The following PGM5 variants were observed in gnomAD, a reference collection of about 807,000 sequenced individuals.
The protein encoded by PGM5 is phosphoglucomutase 5, also known as phosphoglucomutase-like protein 5.
In PGM5, 23 loss-of-function variants were observed where a neutral mutation model predicts 59.2. The ratio of observed to expected loss-of-function variants is 0.39; its 90% CI spans 0.28 to 0.55. The LOEUF (loss-of-function observed/expected upper bound fraction) is 0.55. Among genes scored for constraint, PGM5 ranks in the 20% least tolerant of loss-of-function variants. The probability of loss-of-function intolerance (pLI) is 0.66; values close to 1 mark genes in which losing one functional copy is unlikely to be tolerated. For synonymous variants in PGM5, 214 were observed against 286.0 expected, an observed-to-expected ratio of 0.75 and a Z score of 2.54; for missense variants, 574 against 748.3, an observed-to-expected ratio of 0.77 and a Z score of 2.72.
chr9:68,496,493 T>A (rs1292415186), intron 9 of PGM5, among the ~76,000 whole-genome samples: 1 of 152,166 alleles, frequency 6.6e-6, no homozygotes, highest in Non-Finnish European at 1.5e-5. Context: ...TCAGTTAAGA[T>A]CTCATGGTTA....
intron 6 of PGM5, among the ~76,000 whole-genome samples, chr9:68,406,716 A>ATG (rs1822825655): frequency 2.1e-5 from 2 of 93,364 alleles, no homozygotes; most frequent in Non-Finnish European, 4.2e-5. Context: ...ATATATATAT[A>ATG]TATATATATG....
intron 1 of PGM5, among the ~76,000 whole-genome samples, chr9:68,372,255 A>G (rs1821754863): frequency 7.2e-6 from 1 of 138,120 alleles, no homozygotes; most frequent in Non-Finnish European, 1.6e-5. Context: ...CACACTCTGT[A>G]GATGCTCTAG....
intron 7 of PGM5, among the ~76,000 whole-genome samples, chr9:68,469,314 C>T (rs1823985852): frequency 6.6e-6 from 1 of 152,044 alleles, no homozygotes; most frequent in Non-Finnish European, 1.5e-5. Flanking sequence ...TTATTATTTC[C>T]AAGAAAGTAC....
intron 9 of PGM5, among the ~76,000 whole-genome samples, chr9:68,484,415 T>C (rs923476514): frequency 2.0e-5 from 3 of 150,160 alleles, no homozygotes; most frequent in African/African-American, 4.9e-5. Flanking sequence ...TGGCACACAA[T>C]TGTAGTCCCA....
intron 1 of PGM5, among the ~76,000 whole-genome samples, chr9:68,374,018 G>A (rs1401605613): frequency 1.3e-5 from 2 of 152,292 alleles, no homozygotes; most frequent in Non-Finnish European, 2.9e-5. Flanking sequence ...AATGCACCAT[G>A]TGGCCACACC....
chr9:68,462,089 A>G (rs1823865976), intron 6 of PGM5, among the ~76,000 whole-genome samples: 1 of 152,108 alleles, frequency 6.6e-6, no homozygotes, highest in Non-Finnish European at 1.5e-5. Context: ...AATTCTGACT[A>G]AAGAGTTATA....
intron 10 of PGM5, among the ~76,000 whole-genome samples, chr9:68,514,585 A>ATCTCAAAAAAACT (rs1824798376): frequency 6.6e-6 from 1 of 152,164 alleles, no homozygotes; most frequent in African/African-American, 2.4e-5. Flanking sequence ...AGCTTGTGTG[A>ATCTCAAAAAAACT]CAGAGTGAGA....
intron 10 of PGM5, among the ~76,000 whole-genome samples, chr9:68,507,449 G>A (rs1824675791): frequency 6.6e-6 from 1 of 152,148 alleles, no homozygotes; most frequent in African/African-American, 2.4e-5. Context: ...CAATTAGGAT[G>A]GCTAGTTTGT....
At chr9:68,487,779 C>T (rs1564019320) in intron 9 of PGM5, among the ~76,000 whole-genome samples, 1 of 152,186 alleles carries the variant, frequency 6.6e-6, no homozygotes, top group East Asian at 1.9e-4. Context: ...GAGCAGCTTT[C>T]TGCTCCAGAG....
At chr9:68,435,287 A>C (rs1183889491) in intron 6 of PGM5, among the ~76,000 whole-genome samples, 3 of 152,214 alleles carry the variant, frequency 2.0e-5, no homozygotes, top group Non-Finnish European at 4.4e-5. Flanking sequence ...CACACCATAC[A>C]GTTTGCACAT....
At chr9:68,456,551 C>T (rs1032172297) in intron 6 of PGM5, among the ~76,000 whole-genome samples, 5 of 149,772 alleles carry the variant, frequency 3.3e-5, no homozygotes, top group Non-Finnish European at 7.4e-5. Flanking sequence ...GATCTCCTGA[C>T]GTCATGAGCC....
At chr9:68,435,977 A>G (rs181634149) in intron 6 of PGM5, among the ~76,000 whole-genome samples, 1 of 152,318 alleles carries the variant, frequency 6.6e-6, no homozygotes, top group East Asian at 1.9e-4. Flanking sequence ...CATTGCACCT[A>G]CCAGACATCT....
chr9:68,441,893 A>C (rs986815173), intron 6 of PGM5, among the ~76,000 whole-genome samples: 4 of 152,198 alleles, frequency 2.6e-5, no homozygotes, highest in African/African-American at 7.2e-5. Context: ...CAAAATCAAT[A>C]CTCAGAAGTC....
At chr9:68,390,399 G>A (rs550363104) in intron 4 of PGM5, among the ~76,000 whole-genome samples, 139 of 152,254 alleles carry the variant, frequency 9.1e-4, no homozygotes, top group African/African-American at 3.0e-3. Flanking sequence ...GATGGAGGAC[G>A]CTGATTGCGC....
chr9:68,518,750 T>C (rs548861258), intron 10 of PGM5, among the ~76,000 whole-genome samples: 2 of 152,148 alleles, frequency 1.3e-5, no homozygotes, highest in Non-Finnish European at 2.9e-5. Flanking sequence ...CTTTGGAAGA[T>C]GAAAGATCAT....
intron 1 of PGM5, among the ~76,000 whole-genome samples, chr9:68,369,969 C>A (rs1300604179): frequency 6.6e-6 from 1 of 152,064 alleles, no homozygotes; most frequent in African/African-American, 2.4e-5. Flanking sequence ...TACCCATGGA[C>A]AACACTACTT....
intron 6 of PGM5, chr9:68,406,027 G>A (rs1362809956): frequency 6.6e-6 from 1 of 152,186 alleles, no homozygotes; most frequent in Non-Finnish European, 1.5e-5. Context: ...TGGGGTGGGA[G>A]GGAGAGACAG....
intron 6 of PGM5, among the ~76,000 whole-genome samples, chr9:68,463,202 T>C (rs1823883578): frequency 6.6e-6 from 1 of 151,922 alleles, no homozygotes; most frequent in Non-Finnish European, 1.5e-5. Context: ...TTTTTCCTTA[T>C]TTGACCACAA....
At chr9:68,488,228 CAT>C (rs1423628690) in intron 9 of PGM5, among the ~76,000 whole-genome samples, 1 of 152,120 alleles carries the variant, frequency 6.6e-6, no homozygotes, top group African/African-American at 2.4e-5. Flanking sequence ...GATTCAAACT[CAT>C]ATTTCTCCCC....
Sources: gnomAD v4.1 joint callset for allele counts (sites outside exome capture counted in the v4.1 genomes callset) on GRCh38, gnomAD v4.1.1 for gene constraint, MANE v1.5 for transcripts, NCBI Gene and HGNC (gene_info 2026-07-23, HGNC 2026-07-21) for gene names.